Variants in ABI2 observed in about 807,000 individuals in gnomAD.
ABI2 encodes the protein abelson interactor 2.
Under a neutral mutation model 59.2 loss-of-function variants are expected in ABI2, and 25 were observed. The ratio of observed to expected loss-of-function variants is 0.42; its 90% CI spans 0.31 to 0.59. The LOEUF is 0.59. ABI2 is among the 20% of genes least tolerant of loss of function. The pLI is 0.14. For missense variants in ABI2, 545 were observed against 681.8 expected (o/e 0.80, Z 2.23); for synonymous variants, 213 against 235.5 (o/e 0.90, Z 0.87).
chr2:203,392,337 A>T (rs904935113), intron 5 of ABI2, among the ~76,000 whole-genome samples: 2 of 146,912 alleles, frequency 1.4e-5, no homozygotes, highest in Admixed American at 1.4e-4. Flanking sequence ...CAACAACAAC[A>T]ACAACAAAAC....
chr2:203,401,712 G>C (rs1335063303), intron 8 of ABI2, among the ~76,000 whole-genome samples: 1 of 152,064 alleles, frequency 6.6e-6, no homozygotes, highest in Non-Finnish European at 1.5e-5. Flanking sequence ...ACAAAGTAAT[G>C]TAGCTTTCGT....
At position 203,379,922 on chromosome 2, in the gene ABI2, T is replaced by G. The variant is rs150959503; in HGVS notation, c.286-286T>G. The stretch of plus-strand genomic sequence containing the variant: ...TTTATATAATTTTCACGTGAAGGTT[T>G]TTTTTGGTTGTTCTTTTCTCCAAAC... On this transcript the variant is annotated intron_variant, in intron 2 of 11. Coordinates refer to ENST00000261018, the MANE Select transcript of ABI2 (RefSeq NM_001375670.1). 3.9e-5 allele frequency among the ~76,000 whole-genome samples: 6 copies of G among 152,334 alleles called. No homozygotes were observed. The East Asian group carries it at 1.2e-3, about 29-fold the overall frequency.
At chr2:203,391,197 G>T in intron 5 of ABI2, 54 bp downstream of exon 5, 1 of 1,217,518 alleles carries the variant, frequency 8.2e-7, no homozygotes. Flanking sequence ...GTTTAAAAAT[G>T]AAGCACAACA....
rs556606732 is a variant in ABI2 at position 203,429,960 on chromosome 2, T to C, written c.*2608T>C. ...AGGGGTAGTCCATGGGTCTGCTGAT[T>C]TTTTTTCCCTATTTAGTACTAATGT... On this transcript the variant is annotated 3_prime_UTR_variant, in exon 12 of 12. Coordinates refer to ENST00000261018, the MANE Select transcript of ABI2 (RefSeq NM_001375670.1). 1 of 152,148 alleles carries C rather than the reference T, an allele frequency of 6.6e-6. No homozygotes were observed. Among genetic ancestry groups the C allele is most frequent in the South Asian group, 2.1e-4 (1 of 4,806 alleles). The allele number at this position is 152,148 out of a possible 1,614,324, so 9.4% of individuals were successfully genotyped here. A position where few individuals can be genotyped will look rare whatever the true frequency, so the allele number is the denominator to read the frequency against.
chr2:203,401,261 C>T (rs1276768877), intron 8 of ABI2, among the ~76,000 whole-genome samples: 1 of 151,734 alleles, frequency 6.6e-6, no homozygotes, highest in Non-Finnish European at 1.5e-5. Context: ...CCTTTCCCCT[C>T]TGCTATCCTC....
At chr2:203,414,291 G>A (rs919913637) in intron 10 of ABI2, among the ~76,000 whole-genome samples, 8 of 151,932 alleles carry the variant, frequency 5.3e-5, no homozygotes, top group East Asian at 1.9e-4. Context: ...TAGTAGAGAC[G>A]GGGTTTCGCC....
intron 8 of ABI2, among the ~76,000 whole-genome samples, chr2:203,401,563 CAA>C (rs1164986707): frequency 2.0e-5 from 3 of 152,084 alleles, no homozygotes; most frequent in East Asian, 1.9e-4. Flanking sequence ...GAAGAACTCT[CAA>C]GAGAGCAAAA....
intron 1 of ABI2, among the ~76,000 whole-genome samples, chr2:203,333,449 G>T (rs189171065): frequency 6.6e-6 from 1 of 152,096 alleles, no homozygotes; most frequent in Non-Finnish European, 1.5e-5. Context: ...TTTATAGGTC[G>T]AGTTCTGTAT....
chr2:203,348,673 A>G (rs899027678), intron 1 of ABI2, among the ~76,000 whole-genome samples: 4 of 152,118 alleles, frequency 2.6e-5, no homozygotes, highest in Non-Finnish European at 5.9e-5. Context: ...TTTACTTTTT[A>G]GAGCAGTTTT....
At chr2:203,355,234 C>G (rs756689002) in intron 1 of ABI2, 6 of 380,764 alleles carry the variant, frequency 1.6e-5, no homozygotes, top group Non-Finnish European at 2.8e-5. Flanking sequence ...AGACTGGGTA[C>G]GGTGGCTCAT....
In ABI2 at chr2:203,355,843, A is replaced by C. The variant is rs549013380; in HGVS notation, c.118-11034A>C. Among the ~76,000 whole-genome samples the C allele has an allele frequency of 1.7e-4, 26 of 151,278 alleles. 1 individual carries two copies. Among genetic ancestry groups the C allele is most frequent in the East Asian group, 7.7e-4 (4 of 5,164 alleles). On this transcript the variant is annotated intron_variant, in intron 1 of 11. Coordinates refer to ENST00000261018, the MANE Select transcript of ABI2 (RefSeq NM_001375670.1). Reference sequence around the variant, plus strand: ...CAAAACTGTCTCAAAAAAAAAAAAAAAAAAAAAACACCCCACCAAGAAACC... The same window carrying C: ...CAAAACTGTCTCAAAAAAAAAAAAACAAAAAAAACACCCCACCAAGAAACC...
intron 2 of ABI2, among the ~76,000 whole-genome samples, chr2:203,378,748 A>T (rs1181831472): frequency 2.6e-5 from 4 of 152,192 alleles, no homozygotes; most frequent in Non-Finnish European, 4.4e-5. Context: ...GTTAGCAAAA[A>T]ATGTGTCTGT....
At chr2:203,342,313 G>A (rs2080433380) in intron 1 of ABI2, 1 of 435,328 alleles carries the variant, frequency 2.3e-6, no homozygotes. Context: ...TGAATTAATG[G>A]AGTTGAACTG....
At chr2:203,397,422 T>C (rs914730319) in intron 8 of ABI2, among the ~76,000 whole-genome samples, 3 of 152,214 alleles carry the variant, frequency 2.0e-5, no homozygotes, top group Non-Finnish European at 4.4e-5. Flanking sequence ...TATAGCAGCA[T>C]TGGAAACTCA....
chr2:203,338,504 G>C (rs993973981), intron 1 of ABI2, among the ~76,000 whole-genome samples: 3 of 151,704 alleles, frequency 2.0e-5, no homozygotes, highest in Non-Finnish European at 4.4e-5. Context: ...TAGTCTGGGA[G>C]CCCCCCCACC....
intron 10 of ABI2, among the ~76,000 whole-genome samples, chr2:203,412,229 A>C (rs752229506): frequency 3.9e-5 from 6 of 152,220 alleles, no homozygotes; most frequent in Non-Finnish European, 7.4e-5. Context: ...GGGCACTGCC[A>C]GTACTAGAAT....
At chr2:203,410,972 A>C (rs1354480293) in intron 9 of ABI2, among the ~76,000 whole-genome samples, 2 of 150,622 alleles carry the variant, frequency 1.3e-5, no homozygotes, top group Admixed American at 1.3e-4. Context: ...TATATATAAA[A>C]CATGATTGTT....
Position 203,411,385 on chromosome 2 carries a change from T to C in ABI2, c.1279+14T>C, listed in dbSNP as rs758648667. 2 of 1,593,096 alleles carry C rather than the reference T, an allele frequency of 1.3e-6. No individual in the cohort carries two copies. Among genetic ancestry groups the C allele is most frequent in the Admixed American group, 3.3e-5 (2 of 59,926 alleles). On this transcript the variant is annotated intron_variant, in intron 10 of 11. Transcript: ENST00000261018. ...TCCAAGAAAATAGTAAGTTTATGTC[T>C]TCTTTATGCTGTAGATCAGATTGTA...
chr2:203,415,686 A>G (rs1189853985), intron 10 of ABI2, among the ~76,000 whole-genome samples: 1 of 152,118 alleles, frequency 6.6e-6, no homozygotes, highest in Non-Finnish European at 1.5e-5. Flanking sequence ...AAAATACTAA[A>G]TAAATTGGAT....
Sources: gnomAD v4.1 joint callset for allele counts (sites outside exome capture counted in the v4.1 genomes callset) on GRCh38, gnomAD v4.1.1 for gene constraint, MANE v1.5 for transcripts, NCBI Gene and HGNC (gene_info 2026-07-23, HGNC 2026-07-21) for gene names.